The following LRP1B variants were observed in gnomAD, a reference collection of about 807,000 sequenced individuals.
LRP1B encodes low-density lipoprotein receptor-related protein 1B.
LRP1B carries 217 observed loss-of-function variants against 556.6 expected under a neutral mutation model. The ratio of observed to expected loss-of-function variants is 0.39; its 90% CI spans 0.35 to 0.44. The LOEUF (loss-of-function observed/expected upper bound fraction) is 0.44, where lower values mean the gene tolerates loss of function less well. Among genes scored for constraint, LRP1B ranks in the 20% least tolerant of loss-of-function variants. The probability of loss-of-function intolerance (pLI) is 1.00; values close to 1 mark genes in which losing one functional copy is unlikely to be tolerated. For missense variants in LRP1B, 5,053 were observed against 5,620.8 expected, an observed-to-expected ratio of 0.90 and a Z score of 3.23; for synonymous variants, 2,047 against 1,865.8, an observed-to-expected ratio of 1.10 and a Z score of -2.50.
intron 1 of LRP1B, among the ~76,000 whole-genome samples, chr2:142,075,008 A>G (rs1022238162): frequency 2.0e-5 from 3 of 152,148 alleles, no homozygotes; most frequent in Admixed American, 6.6e-5. Flanking sequence ...TAGGTAAATA[A>G]CATAGCTCTT....
At chr2:141,228,196 C>G (rs1367805741) in intron 6 of LRP1B, among the ~76,000 whole-genome samples, 1 of 152,186 alleles carries the variant, frequency 6.6e-6, no homozygotes, top group Non-Finnish European at 1.5e-5. Context: ...GGAGCCACCG[C>G]ACCCGGCTTC....
intron 1 of LRP1B, among the ~76,000 whole-genome samples, chr2:141,850,569 G>A (rs973315247): frequency 1.4e-4 from 21 of 148,570 alleles, no homozygotes; most frequent in Admixed American, 4.8e-4. Context: ...GTGTGTGTGT[G>A]TATATGTGTG....
At chr2:141,142,655 C>T (rs935190436) in intron 7 of LRP1B, among the ~76,000 whole-genome samples, 1 of 152,112 alleles carries the variant, frequency 6.6e-6, no homozygotes, top group Non-Finnish European at 1.5e-5. Flanking sequence ...ACTATCTCAT[C>T]TTCAAATCTA....
intron 71 of LRP1B, among the ~76,000 whole-genome samples, chr2:140,365,174 A>G (rs1682700737): frequency 6.6e-6 from 1 of 151,600 alleles, no homozygotes; most frequent in Non-Finnish European, 1.5e-5. Context: ...AGACATTTTT[A>G]GAATTATTAG....
chr2:140,772,223 A>T (rs1689336890), intron 33 of LRP1B, among the ~76,000 whole-genome samples: 1 of 151,806 alleles, frequency 6.6e-6, no homozygotes. Context: ...GCTGATGTAT[A>T]ACATTAAGAT....
intron 66 of LRP1B, among the ~76,000 whole-genome samples, chr2:140,431,089 A>C (rs1685916689): frequency 1.3e-5 from 2 of 152,160 alleles, no homozygotes; most frequent in Non-Finnish European, 2.9e-5. Flanking sequence ...ACCTCTATAC[A>C]GTCCGATAGC....
At chr2:141,463,472 C>CA (rs1681996221) in intron 3 of LRP1B, among the ~76,000 whole-genome samples, 1 of 145,798 alleles carries the variant, frequency 6.9e-6, no homozygotes, top group Non-Finnish European at 1.5e-5. Flanking sequence ...AGTCAAATAG[C>CA]AAAAGCCTAG....
At chr2:141,550,320 T>G (rs1685703864) in intron 2 of LRP1B, among the ~76,000 whole-genome samples, 1 of 152,194 alleles carries the variant, frequency 6.6e-6, no homozygotes, top group South Asian at 2.1e-4. Context: ...AAAATCCTAT[T>G]TGGAAGTGAA....
chr2:142,109,703 C>T (rs1215166660), intron 1 of LRP1B, among the ~76,000 whole-genome samples: 2 of 152,130 alleles, frequency 1.3e-5, no homozygotes, highest in African/African-American at 4.8e-5. Context: ...CCAAGATTAA[C>T]ATTGTACATA....
chr2:140,734,148 T>A (rs1687869665), intron 35 of LRP1B, among the ~76,000 whole-genome samples: 1 of 152,188 alleles, frequency 6.6e-6, no homozygotes, highest in East Asian at 1.9e-4. Flanking sequence ...ATCTTTCCTA[T>A]CATAGTGAAC....
intron 43 of LRP1B, among the ~76,000 whole-genome samples, chr2:140,575,028 C>G (rs1681465906): frequency 6.6e-6 from 1 of 152,180 alleles, no homozygotes; most frequent in African/African-American, 2.4e-5. Context: ...TAATCTTCAG[C>G]TCCTCACCTT....
At position 141,396,569 on chromosome 2, in the gene LRP1B, C is replaced by T. The variant is rs59080879; in HGVS notation, c.343+83827G>A. Among the ~76,000 whole-genome samples the T allele has an allele frequency of 3.2e-3, 494 of 152,076 alleles. 4 individuals are homozygous for T. The highest frequency in any genetic ancestry group is 0.011 in the African/African-American group (461 of 41,506). On this transcript the variant is annotated intron_variant, in intron 3 of 90. Transcript: ENST00000389484. ...TGAAAGACTAAGCTAAAATAGATTA[C>T]CTTTGCTATGCCCTGACGTTCTGAC...
intron 51 of LRP1B, among the ~76,000 whole-genome samples, chr2:140,513,981 C>T (rs558534936): frequency 3.9e-4 from 60 of 151,990 alleles, no homozygotes; most frequent in African/African-American, 1.4e-3. Flanking sequence ...TAAAGACTAG[C>T]TTGTTTCCTT....
At chr2:140,869,143 G>A (rs1693045818) in intron 25 of LRP1B, among the ~76,000 whole-genome samples, 1 of 152,022 alleles carries the variant, frequency 6.6e-6, no homozygotes, top group Non-Finnish European at 1.5e-5. Context: ...CCCATTTGAA[G>A]CCCATAAAAA....
chr2:140,756,627 T>C (rs766379233), intron 35 of LRP1B, among the ~76,000 whole-genome samples: 26 of 152,126 alleles, frequency 1.7e-4, no homozygotes, highest in Admixed American at 6.5e-5. Flanking sequence ...AATATCCATA[T>C]GCAAATCCAC....
chr2:141,870,159 A>G (rs894836743), intron 1 of LRP1B, among the ~76,000 whole-genome samples: 1 of 152,012 alleles, frequency 6.6e-6, no homozygotes, highest in Non-Finnish European at 1.5e-5. Flanking sequence ...AATAATTTGA[A>G]GTTCAGACAG....
chr2:141,036,000 G>C (rs989721001), intron 11 of LRP1B, among the ~76,000 whole-genome samples: 2 of 152,006 alleles, frequency 1.3e-5, no homozygotes, highest in Non-Finnish European at 2.9e-5. Flanking sequence ...AACATTCAGA[G>C]CTCGGCTTTG....
intron 84 of LRP1B, among the ~76,000 whole-genome samples, chr2:140,277,085 C>CTTT (rs149217039): frequency 1.0e-4 from 15 of 150,356 alleles, no homozygotes; most frequent in South Asian, 8.4e-4. Flanking sequence ...TTTTGAAGCG[C>CTTT]TTTTTTTTTA....
At chr2:140,336,878 A>G (rs1181598853) in intron 77 of LRP1B, among the ~76,000 whole-genome samples, 1 of 151,834 alleles carries the variant, frequency 6.6e-6, no homozygotes, top group Admixed American at 6.6e-5. Context: ...ATTGTGCATA[A>G]CCAAAAGTGA....
Sources: gnomAD v4.1 joint callset for allele counts (sites outside exome capture counted in the v4.1 genomes callset) on GRCh38, gnomAD v4.1.1 for gene constraint, MANE v1.5 for transcripts, NCBI Gene and HGNC (gene_info 2026-07-23, HGNC 2026-07-21) for gene names.